Variants in EPM2A observed in about 807,000 individuals in gnomAD.
EPM2A encodes the protein EPM2A glucan phosphatase, laforin.
EPM2A carries 21 observed loss-of-function variants against 26.5 expected under a neutral mutation model. That is an observed-to-expected ratio of 0.79 (90% CI 0.56 to 1.14). The LOEUF is 1.14. EPM2A is among the 50% of genes most tolerant of loss of function. The pLI is 0.00. For synonymous variants in EPM2A, 217 were observed against 177.6 expected (o/e 1.22, Z -1.76); for missense variants, 458 against 440.8 (o/e 1.04, Z -0.35).
At chr6:145,496,558 C>T (rs1283363999) in intron 4 of EPM2A, among the ~76,000 whole-genome samples, 1 of 152,052 alleles carries the variant, frequency 6.6e-6, no homozygotes, top group Non-Finnish European at 1.5e-5. Context: ...TGTCTGCCAG[C>T]CTGATTTCAG....
At chr6:145,620,487 C>T (rs571011517), downstream of EPM2A, among the ~76,000 whole-genome samples, 192 of 152,282 alleles carry the variant, frequency 1.3e-3, no homozygotes, top group Non-Finnish European at 2.2e-3. Flanking sequence ...GGCCTTATTT[C>T]CATCTTTAGA....
intron 4 of EPM2A, among the ~76,000 whole-genome samples, chr6:145,430,074 C>G (rs1214776658): frequency 1.3e-5 from 2 of 150,640 alleles, no homozygotes; most frequent in Admixed American, 1.3e-4. Context: ...CGCCTGTAAT[C>G]CCAGCTACTC....
chr6:145,718,951 A>C (rs561675833), intron 1 of EPM2A, among the ~76,000 whole-genome samples: 5 of 152,234 alleles, frequency 3.3e-5, no homozygotes, highest in African/African-American at 4.8e-5. Context: ...TACAATGGCA[A>C]TCATTAAAAA....
intron 2 of EPM2A, among the ~76,000 whole-genome samples, chr6:145,582,936 G>A (rs1428808553): frequency 6.6e-6 from 1 of 152,004 alleles, no homozygotes; most frequent in Non-Finnish European, 1.5e-5. Flanking sequence ...CCTCAGCTTG[G>A]TCTATTCTGT....
rs118003134 is a variant in EPM2A, at chr6:145,569,600, C to T, written c.340+65645G>A. Among the ~76,000 whole-genome samples the T allele has an allele frequency of 4.7e-3, 718 of 152,256 alleles. 26 individuals carry two copies. In the East Asian group the frequency reaches 0.085, roughly 18 times the overall value. On this transcript the variant is annotated intron_variant, in intron 2 of 3. Coordinates refer to the EPM2A transcript ENST00000450221. ...CCCATCTAAATGCATTGTTTAAAAGCCCCCTTTGATTTATATAGTCCCTGC... is the reference window on the plus strand; with the variant it reads ...CCCATCTAAATGCATTGTTTAAAAGTCCCCTTTGATTTATATAGTCCCTGC...
At chr6:145,475,986 G>A (rs1373052332) in intron 4 of EPM2A, among the ~76,000 whole-genome samples, 1 of 151,936 alleles carries the variant, frequency 6.6e-6, no homozygotes, top group Non-Finnish European at 1.5e-5. Context: ...ACAGAGACTG[G>A]TGAAATGGAT....
At chr6:145,660,463 CT>C (rs1226993678) in intron 2 of EPM2A, among the ~76,000 whole-genome samples, 1 of 152,120 alleles carries the variant, frequency 6.6e-6, no homozygotes, top group Non-Finnish European at 1.5e-5. Flanking sequence ...CCTTGTTTAA[CT>C]TTTTACTCCA....
intron 2 of EPM2A, among the ~76,000 whole-genome samples, chr6:145,617,950 AT>A (rs1562404682): frequency 6.6e-6 from 1 of 152,162 alleles, no homozygotes; most frequent in East Asian, 1.9e-4. Context: ...CTCAAAAAAA[AT>A]TTTTTTAATT....
At chr6:145,674,503 A>G (rs1779877992) in intron 2 of EPM2A, among the ~76,000 whole-genome samples, 1 of 152,154 alleles carries the variant, frequency 6.6e-6, no homozygotes, top group African/African-American at 2.4e-5. Flanking sequence ...GAGCCAAACG[A>G]ACATGTCCTA....
At chr6:145,535,784 A>C (rs943677428) in intron 2 of EPM2A, among the ~76,000 whole-genome samples, 22 of 152,222 alleles carry the variant, frequency 1.4e-4, no homozygotes, top group Admixed American at 3.9e-4. Flanking sequence ...TGTTGTTTAT[A>C]GTTTCAATTG....
intron 2 of EPM2A, among the ~76,000 whole-genome samples, chr6:145,672,257 CCACACATCTAG>C (rs1157306399): frequency 1.2e-4 from 18 of 152,292 alleles, no homozygotes; most frequent in African/African-American, 4.3e-4. Context: ...CAAATTGATT[CCACACATCTAG>C]AATCTTTCAC....
chr6:145,682,265 C>G (rs702313), intron 2 of EPM2A: 1 of 151,932 alleles, frequency 6.6e-6, no homozygotes, highest in Admixed American at 6.6e-5. Context: ...TTCACTATCA[C>G]GAGAACAGTA....
rs139000245 is a variant in EPM2A, at chr6:145,726,303, A to T, written c.301+8895T>A. On this transcript the variant is annotated intron_variant, in intron 1 of 3. Transcript: ENST00000367519. Reference sequence around the variant, plus strand: ...CCAAAGTATAAAATAATATCCGTGAATTCCTATATATATAAATAATTGAAT... The same window carrying T: ...CCAAAGTATAAAATAATATCCGTGATTTCCTATATATATAAATAATTGAAT... Among the ~76,000 whole-genome samples, 1,394 of 152,274 alleles carry T rather than the reference A, an allele frequency of 9.2e-3. 10 individuals are homozygous for T. Among genetic ancestry groups the T allele is most frequent in the Admixed American group, 0.017 (260 of 15,286 alleles).
intron 2 of EPM2A, among the ~76,000 whole-genome samples, chr6:145,676,890 A>C (rs1247265764): frequency 6.6e-6 from 1 of 152,188 alleles, no homozygotes; most frequent in Non-Finnish European, 1.5e-5. Flanking sequence ...AACTATTCCA[A>C]TCAATATAAA....
intron 2 of EPM2A, among the ~76,000 whole-genome samples, chr6:145,523,694 A>AT (rs1449976180): frequency 4.6e-5 from 7 of 152,164 alleles, no homozygotes; most frequent in African/African-American, 1.7e-4. Flanking sequence ...TAATATTGAA[A>AT]TTAGGCCAAG....
In EPM2A at chr6:145,389,018, T is replaced by C. The variant is rs1174521146; in HGVS notation, c.556-4921A>G. ...TAGTAGAATGATTTAAAATCCTTTA[T>C]ATACTCAGTAATGAGATTGCTGGGT... On this transcript the variant is annotated intron_variant, in intron 4 of 4. Coordinates refer to the EPM2A transcript ENST00000638717. 2.0e-5 allele frequency among the ~76,000 whole-genome samples: 3 copies of C among 152,118 alleles called. No homozygotes were observed. In the East Asian group the frequency reaches 5.8e-4, roughly 29 times the overall value.
In EPM2A at chr6:145,588,382, T is replaced by A. The variant is rs191658816; in HGVS notation, c.340+46863A>T. Among the ~76,000 whole-genome samples, 5 of 152,342 alleles carry A rather than the reference T, an allele frequency of 3.3e-5. No individual in the cohort carries two copies. The East Asian group carries it at 9.6e-4, about 29-fold the overall frequency. The stretch of plus-strand genomic sequence containing the variant: ...GGATTAATTCATTAGAGAAGAGAAT[T>A]GAAATTCTTCATTTGGAACATGTTT... On this transcript the variant is annotated intron_variant, in intron 2 of 3. Transcript: ENST00000450221.
At chr6:145,584,577 C>T (rs1307758740) in intron 2 of EPM2A, among the ~76,000 whole-genome samples, 1 of 152,156 alleles carries the variant, frequency 6.6e-6, no homozygotes, top group African/African-American at 2.4e-5. Context: ...CTCCTACCAC[C>T]TTTCTAAGAG....
At chr6:145,573,235 C>T in intron 2 of EPM2A, among the ~76,000 whole-genome samples, 1 of 152,198 alleles carries the variant, frequency 6.6e-6, no homozygotes, top group East Asian at 1.9e-4. Context: ...GATTATAACA[C>T]AAAGTCAGAG....
Sources: allele counts gnomAD v4.1 joint callset (sites outside exome capture counted in the v4.1 genomes callset), GRCh38; gene constraint gnomAD v4.1.1; transcripts MANE v1.5; gene names NCBI Gene and HGNC (gene_info 2026-07-23, HGNC 2026-07-21).